ADCY8: variants seen among roughly 807,000 people sequenced by gnomAD.
ADCY8 encodes the protein adenylate cyclase 8.
In ADCY8, 51 loss-of-function variants were observed where a neutral mutation model predicts 119.7. The ratio of observed to expected loss-of-function variants is 0.43; its 90% CI spans 0.34 to 0.54. The LOEUF (loss-of-function observed/expected upper bound fraction) is 0.54, where lower values mean the gene tolerates loss of function less well. ADCY8 is among the 20% of genes least tolerant of loss of function. ADCY8 has a pLI of 0.03. For synonymous variants in ADCY8, 665 were observed against 651.0 expected, an observed-to-expected ratio of 1.02 and a Z score of -0.33; for missense variants, 1,383 against 1,598.8, an observed-to-expected ratio of 0.87 and a Z score of 2.30.
At chr8:130,977,706 G>A (rs918502170) in intron 2 of ADCY8, among the ~76,000 whole-genome samples, 1 of 152,228 alleles carries the variant, frequency 6.6e-6, no homozygotes, top group African/African-American at 2.4e-5. Flanking sequence ...CTATTCCACA[G>A]ATGTGTAAAT....
rs766475398 is a variant in ADCY8, at chr8:130,904,475, C to G, written c.1641-433G>C. On this transcript the variant is annotated intron_variant, in intron 6 of 17. Coordinates refer to ENST00000286355, the MANE Select transcript of ADCY8 (RefSeq NM_001115.3). ...CACCATGCAAAAACAGTTCTTTCTT[C>G]GTCTTGGAACCTGTCCTATCATTTC... is the stretch of plus-strand genomic sequence containing the variant. Among the ~76,000 whole-genome samples, 61 of 152,258 alleles carry G rather than the reference C, an allele frequency of 4.0e-4. No individual in the cohort carries two copies. The Middle Eastern group carries it at 0.01, about 25-fold the overall frequency.
At chr8:130,982,847 T>A (rs910325716) in intron 2 of ADCY8, among the ~76,000 whole-genome samples, 1 of 152,270 alleles carries the variant, frequency 6.6e-6, no homozygotes, top group African/African-American at 2.4e-5. Flanking sequence ...CTTCTTTTTT[T>A]GGATTGTCTT....
chr8:130,819,457 G>A (rs1230458263), intron 13 of ADCY8, among the ~76,000 whole-genome samples: 5 of 152,190 alleles, frequency 3.3e-5, no homozygotes, highest in Non-Finnish European at 4.4e-5. Context: ...GGTACCATTT[G>A]AGGAAGGCAC....
chr8:130,939,649 T>C (rs996676716), intron 4 of ADCY8, among the ~76,000 whole-genome samples: 2 of 152,222 alleles, frequency 1.3e-5, no homozygotes, highest in Non-Finnish European at 2.9e-5. Context: ...TGACCTTGGA[T>C]AAGACACTGA....
intron 7 of ADCY8, among the ~76,000 whole-genome samples, chr8:130,895,142 C>T (rs1457866677): frequency 1.3e-5 from 2 of 152,018 alleles, no homozygotes; most frequent in African/African-American, 2.4e-5. Context: ...TTTACTCTTC[C>T]TACCTATCTT....
rs751306658 is a variant in ADCY8, at chr8:130,836,261, G to A, written c.2675+16C>T. The A allele has an allele frequency of 2.0e-5, 32 of 1,600,792 alleles. No individual in the cohort carries two copies. The highest frequency in any genetic ancestry group is 2.6e-5 in the Non-Finnish European group (31 of 1,172,384). On this transcript the variant is annotated intron_variant, in intron 12 of 17. Transcript: ENST00000286355. The stretch of plus-strand genomic sequence containing the variant: ...GAAGTTGAGCACACTTTGGACTCAC[G>A]GTGGTGGGCACTTACTCTCCACTGT...
intron 8 of ADCY8, among the ~76,000 whole-genome samples, chr8:130,881,848 AT>A (rs35121882): frequency 0.35 from 50,759 of 145,012 alleles, 8,625 homozygotes; most frequent in East Asian, 0.55. Flanking sequence ...TTCTCTGATA[AT>A]TTTTTTTTTT....
intron 8 of ADCY8, among the ~76,000 whole-genome samples, chr8:130,868,963 A>G (rs1375813657): frequency 6.6e-6 from 1 of 152,150 alleles, no homozygotes; most frequent in Non-Finnish European, 1.5e-5. Context: ...AATCAGTCCA[A>G]TCTGTTGTTG....
At chr8:130,846,737 TCC>T (rs1337690277) in intron 11 of ADCY8, among the ~76,000 whole-genome samples, 12 of 128,650 alleles carry the variant, frequency 9.3e-5, no homozygotes, top group East Asian at 2.5e-4. Context: ...CTTCCTTCCT[TCC>T]CCTTCCTACC....
chr8:130,816,173 C>G (rs1027573860), intron 13 of ADCY8, among the ~76,000 whole-genome samples: 1 of 152,140 alleles, frequency 6.6e-6, no homozygotes, highest in African/African-American at 2.4e-5. Context: ...GTTATCCATT[C>G]AGCAGAATTT....
chr8:130,885,958 A>C (rs1051129763), intron 7 of ADCY8, among the ~76,000 whole-genome samples: 33 of 152,040 alleles, frequency 2.2e-4, no homozygotes, highest in African/African-American at 8.0e-4. Flanking sequence ...CCAAACCTTC[A>C]GATATCGATG....
intron 12 of ADCY8, 31 bp from the exon 13 acceptor site, chr8:130,821,451 T>C: frequency 5.8e-6 from 9 of 1,562,180 alleles, no homozygotes; most frequent in Non-Finnish European, 7.9e-6. Context: ...CTGATAACCA[T>C]GGGGGGACTT....
chr8:130,867,982 A>G (rs1484527971), intron 8 of ADCY8, 36 bp from the exon 9 acceptor site: 7 of 1,417,852 alleles, frequency 4.9e-6, no homozygotes, highest in Non-Finnish European at 3.9e-6. Flanking sequence ...GTTACTTTGC[A>G]GCAGAGTGCA....
intron 1 of ADCY8, among the ~76,000 whole-genome samples, chr8:131,023,579 A>G (rs1823739971): frequency 6.6e-6 from 1 of 152,174 alleles, no homozygotes; most frequent in African/African-American, 2.4e-5. Flanking sequence ...AGGAGCTGCC[A>G]CTATTCTAAA....
chr8:131,028,066 G>C (rs1563773681), intron 1 of ADCY8, among the ~76,000 whole-genome samples: 1 of 152,236 alleles, frequency 6.6e-6, no homozygotes, highest in African/African-American at 2.4e-5. Context: ...CATGCCCTCA[G>C]AGGAGGAATA....
At chr8:130,929,323 A>G (rs995044638) in intron 5 of ADCY8, among the ~76,000 whole-genome samples, 1 of 152,094 alleles carries the variant, frequency 6.6e-6, no homozygotes, top group Non-Finnish European at 1.5e-5. Flanking sequence ...GCTGTATCCC[A>G]TAAGTTTGTT....
intron 1 of ADCY8, among the ~76,000 whole-genome samples, chr8:131,004,837 T>C (rs1023436811): frequency 3.3e-5 from 5 of 152,172 alleles, no homozygotes; most frequent in Non-Finnish European, 7.3e-5. Flanking sequence ...TAGATTCTCA[T>C]GGACACTCAC....
At chr8:130,960,692 A>G (rs971487497) in intron 2 of ADCY8, among the ~76,000 whole-genome samples, 5 of 152,096 alleles carry the variant, frequency 3.3e-5, no homozygotes, top group Non-Finnish European at 5.9e-5. Context: ...CAGCAACAAC[A>G]CTAAAGTAGA....
chr8:130,877,339 A>C (rs902359054), intron 8 of ADCY8, among the ~76,000 whole-genome samples: 7 of 152,210 alleles, frequency 4.6e-5, no homozygotes, highest in Non-Finnish European at 8.8e-5. Context: ...ATGTCTTCCT[A>C]TATCATCTCA....
Sources: gnomAD v4.1 joint callset for allele counts (sites outside exome capture counted in the v4.1 genomes callset) on GRCh38, gnomAD v4.1.1 for gene constraint, MANE v1.5 for transcripts, NCBI Gene and HGNC (gene_info 2026-07-23, HGNC 2026-07-21) for gene names.